The following ANKS1B variants were observed in gnomAD, a reference collection of about 807,000 sequenced individuals.
ANKS1B encodes ankyrin repeat and sterile alpha motif domain containing 1B, also known as ankyrin repeat and sterile alpha motif domain-containing protein 1B.
A neutral mutation model predicts 148.3 loss-of-function variants in ANKS1B; 36 were observed. That is an observed-to-expected ratio of 0.24 (90% confidence interval 0.19 to 0.32). The LOEUF (loss-of-function observed/expected upper bound fraction) is 0.32. ANKS1B is among the 10% of genes least tolerant of loss of function. The probability of loss-of-function intolerance (pLI) is 1.00; values close to 1 mark genes in which losing one functional copy is unlikely to be tolerated. For synonymous variants in ANKS1B, 542 were observed against 560.8 expected (o/e 0.97, Z 0.47); for missense variants, 1,157 against 1,542.6 (o/e 0.75, Z 4.19).
intron 17 of ANKS1B, among the ~76,000 whole-genome samples, chr12:99,007,821 T>C (rs1454555007): frequency 6.6e-6 from 1 of 152,020 alleles, no homozygotes; most frequent in Non-Finnish European, 1.5e-5. Context: ...GCTTTTGCTG[T>C]CTCTCTAGCA....
intron 17 of ANKS1B, among the ~76,000 whole-genome samples, chr12:98,954,846 G>T (rs540831160): frequency 1.3e-5 from 2 of 152,104 alleles, no homozygotes; most frequent in African/African-American, 4.8e-5. Context: ...TAAAAGAGGG[G>T]CAAGGACATA....
intron 17 of ANKS1B, among the ~76,000 whole-genome samples, chr12:98,917,053 C>T (rs544202027): frequency 3.3e-5 from 5 of 151,934 alleles, no homozygotes; most frequent in South Asian, 2.1e-4. Context: ...CTCCACCTCC[C>T]GGGCTCAAGT....
intron 17 of ANKS1B, among the ~76,000 whole-genome samples, chr12:98,940,491 C>T (rs927959113): frequency 3.3e-5 from 5 of 152,124 alleles, no homozygotes; most frequent in Non-Finnish European, 7.4e-5. Flanking sequence ...ACTTCAGAAC[C>T]CTTCCCTGAT....
At chr12:99,069,251 C>T (rs2045540000) in intron 16 of ANKS1B, among the ~76,000 whole-genome samples, 1 of 152,114 alleles carries the variant, frequency 6.6e-6, no homozygotes, top group East Asian at 1.9e-4. Flanking sequence ...GTAATTGTTA[C>T]TTTATGTCTA....
intron 9 of ANKS1B, among the ~76,000 whole-genome samples, chr12:99,553,678 G>T (rs553587340): frequency 6.6e-6 from 1 of 152,300 alleles, no homozygotes; most frequent in Admixed American, 6.5e-5. Flanking sequence ...CCAGTTTGCA[G>T]ATTACTCTTA....
chr12:99,785,711 G>A (rs2064948521), intron 4 of ANKS1B, among the ~76,000 whole-genome samples: 1 of 152,126 alleles, frequency 6.6e-6, no homozygotes, highest in South Asian at 2.1e-4. Context: ...GGGATCACAG[G>A]CATGAGCCAC....
At chr12:99,086,506 A>C (rs1214558016) in intron 15 of ANKS1B, among the ~76,000 whole-genome samples, 1 of 152,162 alleles carries the variant, frequency 6.6e-6, no homozygotes, top group Non-Finnish European at 1.5e-5. Flanking sequence ...TTTAAGAAAG[A>C]GAGTTACATG....
intron 12 of ANKS1B, among the ~76,000 whole-genome samples, chr12:99,301,970 A>G (rs1398319586): frequency 6.6e-6 from 1 of 152,118 alleles, no homozygotes; most frequent in African/African-American, 2.4e-5. Context: ...TGTATCAGGA[A>G]GGCCAAGCAA....
At chr12:99,269,504 ATTT>A (rs35128190) in intron 12 of ANKS1B, among the ~76,000 whole-genome samples, 27 of 148,074 alleles carry the variant, frequency 1.8e-4, no homozygotes, top group African/African-American at 2.7e-4. Flanking sequence ...AAATAAGCAG[ATTT>A]TTTTTTTTTT....
At chr12:99,811,341 C>T (rs1232340172) in intron 3 of ANKS1B, among the ~76,000 whole-genome samples, 1 of 151,838 alleles carries the variant, frequency 6.6e-6, no homozygotes, top group African/African-American at 2.4e-5. Flanking sequence ...TGCCAACCTG[C>T]AGCTTAATGC....
intron 17 of ANKS1B, among the ~76,000 whole-genome samples, chr12:98,969,775 T>C (rs1000050306): frequency 4.6e-5 from 7 of 152,176 alleles, no homozygotes; most frequent in African/African-American, 1.7e-4. Flanking sequence ...ATCCTCCTAA[T>C]ACTTCAGTGG....
intron 1 of ANKS1B, among the ~76,000 whole-genome samples, chr12:99,975,376 T>C (rs2095613568): frequency 6.6e-6 from 1 of 152,210 alleles, no homozygotes; most frequent in Non-Finnish European, 1.5e-5. Flanking sequence ...CAAACACTTT[T>C]TGGTGGTAAA....
intron 1 of ANKS1B, among the ~76,000 whole-genome samples, chr12:99,840,844 G>T (rs534314406): frequency 6.6e-6 from 1 of 152,134 alleles, no homozygotes. Flanking sequence ...AAAATAATAA[G>T]AAGATAATCT....
intron 10 of ANKS1B, among the ~76,000 whole-genome samples, chr12:99,489,636 G>A (rs1595780225): frequency 6.6e-6 from 1 of 152,298 alleles, no homozygotes; most frequent in East Asian, 1.9e-4. Flanking sequence ...CGTGGTTATA[G>A]TAACCAAAGT....
intron 10 of ANKS1B, among the ~76,000 whole-genome samples, chr12:99,448,557 G>T (rs1352211323): frequency 6.6e-6 from 1 of 151,922 alleles, no homozygotes; most frequent in Non-Finnish European, 1.5e-5. Flanking sequence ...TAAAAGAGTA[G>T]ATCTTAAGAG....
At chr12:99,436,249 G>T (rs554383517) in intron 11 of ANKS1B, among the ~76,000 whole-genome samples, 4 of 151,954 alleles carry the variant, frequency 2.6e-5, no homozygotes, top group Non-Finnish European at 4.4e-5. Flanking sequence ...GAGCTAATTA[G>T]CATTAATGGA....
At chr12:99,527,539 G>A (rs1221308542) in intron 9 of ANKS1B, among the ~76,000 whole-genome samples, 1 of 152,090 alleles carries the variant, frequency 6.6e-6, no homozygotes, top group East Asian at 1.9e-4. Flanking sequence ...GGAATCTCTG[G>A]TGGTAGCCAT....
intron 2 of ANKS1B, among the ~76,000 whole-genome samples, chr12:99,816,201 A>G (rs1448527411): frequency 6.6e-6 from 1 of 151,848 alleles, no homozygotes; most frequent in Non-Finnish European, 1.5e-5. Context: ...GTAAAGTGGT[A>G]GCTCATTGTG....
chr12:99,765,685 G>A (rs2062577597), intron 8 of ANKS1B, among the ~76,000 whole-genome samples: 1 of 152,020 alleles, frequency 6.6e-6, no homozygotes, highest in Non-Finnish European at 1.5e-5. Context: ...ACCAATCCAA[G>A]AACAAAATAT....
Sources: gnomAD v4.1 joint callset for allele counts (sites outside exome capture counted in the v4.1 genomes callset) on GRCh38, gnomAD v4.1.1 for gene constraint, MANE v1.5 for transcripts, NCBI Gene and HGNC (gene_info 2026-07-23, HGNC 2026-07-21) for gene names.